OR1B1: variants seen among roughly 807,000 people sequenced by gnomAD.
The protein encoded by OR1B1 is olfactory receptor family 1 subfamily B member 1, also known as olfactory receptor 1B1.
For missense variants in OR1B1, 414 were observed against 402.1 expected, an observed-to-expected ratio of 1.03 and a Z score of -0.25; for synonymous variants, 168 against 156.2, an observed-to-expected ratio of 1.08 and a Z score of -0.57.
chr9:122,639,117 T>C, the OR1B1 span, among the ~76,000 whole-genome samples: 8 of 152,180 alleles, frequency 5.3e-5, no homozygotes, highest in Non-Finnish European at 4.4e-5. Context: ...TCTACTTAGA[T>C]AGACGTTTTT....
At chr9:122,647,286 G>A in the OR1B1 span, among the ~76,000 whole-genome samples, 1 of 152,104 alleles carries the variant, frequency 6.6e-6, no homozygotes. Context: ...TCAATAACAG[G>A]AGGAATTTTG....
chr9:122,636,036 C>A, the OR1B1 span, among the ~76,000 whole-genome samples: 1 of 152,154 alleles, frequency 6.6e-6, no homozygotes, highest in Non-Finnish European at 1.5e-5. Context: ...ATACTGTTTT[C>A]TCTTTCATGG....
At chr9:122,650,918 G>A in the OR1B1 span, among the ~76,000 whole-genome samples, 23 of 152,044 alleles carry the variant, frequency 1.5e-4, no homozygotes, top group South Asian at 3.9e-3. Flanking sequence ...CCAGCTACTC[G>A]GGAGGCTGAG....
chr9:122,646,755 G>A, the OR1B1 span, among the ~76,000 whole-genome samples: 1 of 152,090 alleles, frequency 6.6e-6, no homozygotes, highest in African/African-American at 2.4e-5. Flanking sequence ...ATAACAGCTG[G>A]AGAATTCAAC....
chr9:122,654,722 T>G, the OR1B1 span, among the ~76,000 whole-genome samples: 2 of 152,332 alleles, frequency 1.3e-5, no homozygotes, highest in African/African-American at 4.8e-5. Flanking sequence ...CTACTTCTAA[T>G]GAGTTCAACT....
At chr9:122,649,100 A>G in the OR1B1 span, among the ~76,000 whole-genome samples, 1 of 152,242 alleles carries the variant, frequency 6.6e-6, no homozygotes, top group African/African-American at 2.4e-5. Flanking sequence ...AACGCCACAC[A>G]TCTACAACCA....
upstream of OR1B1, among the ~76,000 whole-genome samples, chr9:122,634,091 C>T (rs1420679472): frequency 1.3e-5 from 2 of 151,472 alleles, no homozygotes; most frequent in Non-Finnish European, 2.9e-5. Flanking sequence ...AATCCCAGCA[C>T]ATTGGGAGGC....
At chr9:122,645,453 G>A in the OR1B1 span, among the ~76,000 whole-genome samples, 2 of 151,862 alleles carry the variant, frequency 1.3e-5, no homozygotes, top group African/African-American at 4.8e-5. Flanking sequence ...ACACTAAGCA[G>A]ATTTAACACA....
At chr9:122,639,122 G>A in the OR1B1 span, among the ~76,000 whole-genome samples, 5 of 152,060 alleles carry the variant, frequency 3.3e-5, no homozygotes, top group East Asian at 1.9e-4. Context: ...TTAGATAGAC[G>A]TTTTTCATCA....
At chr9:122,633,894 A>C (rs1167455936), upstream of OR1B1, among the ~76,000 whole-genome samples, 4 of 122,878 alleles carry the variant, frequency 3.3e-5, no homozygotes, top group Non-Finnish European at 6.4e-5. Flanking sequence ...ACACCACTGC[A>C]CTCCAGCTTG....
the OR1B1 span, among the ~76,000 whole-genome samples, chr9:122,655,241 C>G: frequency 1.3e-5 from 2 of 152,142 alleles, no homozygotes; most frequent in Non-Finnish European, 2.9e-5. Flanking sequence ...GAAAATACAG[C>G]ATCCACCTTT....
the OR1B1 span, among the ~76,000 whole-genome samples, chr9:122,648,494 G>A: frequency 5.3e-5 from 8 of 152,038 alleles, no homozygotes; most frequent in South Asian, 2.1e-4. Context: ...TTTGAAAACC[G>A]GCACAAGACA....
the OR1B1 span, among the ~76,000 whole-genome samples, chr9:122,637,543 G>A: frequency 6.6e-6 from 1 of 152,118 alleles, no homozygotes. Flanking sequence ...GTTAGTCTAA[G>A]GAAAACTCAT....
upstream of OR1B1, among the ~76,000 whole-genome samples, chr9:122,631,683 G>A (rs1431910902): frequency 5.3e-5 from 8 of 152,254 alleles, no homozygotes; most frequent in East Asian, 1.5e-3. Flanking sequence ...ACATCCGTGT[G>A]GAACAGGAGA....
At chr9:122,630,951 C>T (rs112534467), upstream of OR1B1, among the ~76,000 whole-genome samples, 13,167 of 152,172 alleles carry the variant, frequency 0.087, 689 homozygotes, top group Middle Eastern at 0.14. Context: ...CGTGATCCAA[C>T]CATCTCGGCC....
At chr9:122,633,426 C>T (rs2118813889), upstream of OR1B1, among the ~76,000 whole-genome samples, 1 of 152,070 alleles carries the variant, frequency 6.6e-6, no homozygotes, top group South Asian at 2.1e-4. Flanking sequence ...AATGCTCAGG[C>T]AACAAAAGCA....
the OR1B1 span, among the ~76,000 whole-genome samples, chr9:122,640,381 A>T: frequency 6.6e-6 from 1 of 152,170 alleles, no homozygotes; most frequent in Non-Finnish European, 1.5e-5. Context: ...TGATCAACTT[A>T]ATGCTGATTA....
the OR1B1 span, among the ~76,000 whole-genome samples, chr9:122,656,461 G>C: frequency 6.6e-6 from 1 of 151,786 alleles, no homozygotes; most frequent in Non-Finnish European, 1.5e-5. Flanking sequence ...GTTATTGCAG[G>C]AATTATCATG....
chr9:122,642,078 G>T, the OR1B1 span, among the ~76,000 whole-genome samples: 5 of 152,004 alleles, frequency 3.3e-5, no homozygotes, highest in East Asian at 9.7e-4. Context: ...GAAAAGAGAT[G>T]GTTGGAAGTG....
Sources: gnomAD v4.1 joint callset for allele counts (sites outside exome capture counted in the v4.1 genomes callset) on GRCh38, gnomAD v4.1.1 for gene constraint, MANE v1.5 for transcripts, NCBI Gene and HGNC (gene_info 2026-07-23, HGNC 2026-07-21) for gene names.